THSD4: variants seen among roughly 807,000 people sequenced by gnomAD.
THSD4 encodes the protein thrombospondin type 1 domain containing 4.
THSD4 carries 69 observed loss-of-function variants against 119.0 expected under a neutral mutation model. That is an observed-to-expected ratio of 0.58 (90% CI 0.48 to 0.71). The LOEUF (loss-of-function observed/expected upper bound fraction) is 0.71. Ranked by LOEUF, THSD4 falls within the 30% of genes least tolerant of loss-of-function variation. The pLI is 0.00. For synonymous variants in THSD4, 524 were observed against 540.4 expected, an observed-to-expected ratio of 0.97 and a Z score of 0.42; for missense variants, 1,393 against 1,391.1, an observed-to-expected ratio of 1.00 and a Z score of -0.02.
intron 7 of THSD4, among the ~76,000 whole-genome samples, chr15:71,566,794 G>C (rs1290298279): frequency 6.7e-6 from 1 of 149,646 alleles, no homozygotes; most frequent in African/African-American, 2.5e-5. Context: ...ATCACCTTGA[G>C]AGATCTCCAG....
intron 2 of THSD4, among the ~76,000 whole-genome samples, chr15:71,142,648 G>A (rs992476762): frequency 7.2e-5 from 11 of 152,114 alleles, no homozygotes; most frequent in African/African-American, 2.7e-4. Flanking sequence ...TTTTAGCTGT[G>A]TAGCATTAAG....
At chr15:71,199,636 GGTGT>G (rs2043760884) in intron 3 of THSD4, among the ~76,000 whole-genome samples, 1 of 140,340 alleles carries the variant, frequency 7.1e-6, no homozygotes, top group Non-Finnish European at 1.5e-5. Context: ...TGGTGTGTGT[GGTGT>G]GTGTGTGGTG....
intron 7 of THSD4, among the ~76,000 whole-genome samples, chr15:71,601,825 C>A: frequency 6.6e-6 from 1 of 152,300 alleles, no homozygotes; most frequent in Non-Finnish European, 1.5e-5. Flanking sequence ...CAGCTGTGTG[C>A]GTGAGCAGCT....
At chr15:71,630,984 T>C (rs947351358) in intron 7 of THSD4, among the ~76,000 whole-genome samples, 6 of 152,168 alleles carry the variant, frequency 3.9e-5, no homozygotes, top group Non-Finnish European at 8.8e-5. Context: ...GATGCCATCA[T>C]GCTCTCCTCC....
chr15:71,710,264 G>A (rs1054988942), intron 8 of THSD4, among the ~76,000 whole-genome samples: 1 of 152,166 alleles, frequency 6.6e-6, no homozygotes, highest in Non-Finnish European at 1.5e-5. Flanking sequence ...AGGACACTTT[G>A]TAGAAATCTG....
chr15:71,388,759 T>C (rs2046328238), intron 6 of THSD4, among the ~76,000 whole-genome samples: 1 of 151,846 alleles, frequency 6.6e-6, no homozygotes, highest in African/African-American at 2.4e-5. Context: ...TTAAAAAAAT[T>C]GTGATAATAT....
At position 71,243,095 on chromosome 15, in the gene THSD4, A is replaced by G. The variant is rs764035722; in HGVS notation, c.911A>G (p.Asn304Ser). 91 of 1,609,390 alleles carry G rather than the reference A, an allele frequency of 5.7e-5. No individual in the cohort carries two copies. Among genetic ancestry groups the G allele is most frequent in the Non-Finnish European group, 7.2e-5 (85 of 1,177,478 alleles). The change falls in exon 5 of 18, where the codon AAC (asparagine) becomes AGC (serine). Residue 304 changes from asparagine (N) to serine (S), a missense_variant and splice_region_variant. Transcript: ENST00000261862. The part of the protein sequence containing the change: ...AYRQYKLCNT[N>S]VCPESSRSIR... ...CGGCAGTACAAGCTGTGCAACACCA[A>G]CGTGAGTACACACAACCCATACCGG...
chr15:71,239,571 A>C (rs1049377164), intron 4 of THSD4, among the ~76,000 whole-genome samples: 2 of 152,214 alleles, frequency 1.3e-5, no homozygotes, highest in African/African-American at 2.4e-5. Context: ...TCAAGACATA[A>C]CTTTCAGAAA....
At chr15:71,624,310 C>A (rs1174190680) in intron 7 of THSD4, among the ~76,000 whole-genome samples, 1 of 152,188 alleles carries the variant, frequency 6.6e-6, no homozygotes, top group Non-Finnish European at 1.5e-5. Flanking sequence ...CAGCCTCAGT[C>A]CTGAAAGGAA....
intron 6 of THSD4, among the ~76,000 whole-genome samples, chr15:71,355,929 A>G (rs1260025164): frequency 6.6e-6 from 1 of 152,006 alleles, no homozygotes; most frequent in Non-Finnish European, 1.5e-5. Context: ...GGGCAGTGGC[A>G]CAATCTTGGC....
At chr15:71,588,215 A>G (rs2049722466) in intron 7 of THSD4, among the ~76,000 whole-genome samples, 1 of 150,134 alleles carries the variant, frequency 6.7e-6, no homozygotes, top group Non-Finnish European at 1.5e-5. Flanking sequence ...CTGAGGCAGG[A>G]GAATGGCGTG....
intron 3 of THSD4, among the ~76,000 whole-genome samples, chr15:71,194,855 G>A (rs1275905605): frequency 1.3e-5 from 2 of 152,150 alleles, no homozygotes; most frequent in Non-Finnish European, 2.9e-5. Flanking sequence ...ACTACACATA[G>A]TTATACCTTG....
chr15:71,449,750 A>C (rs977436418), intron 7 of THSD4, among the ~76,000 whole-genome samples: 8 of 152,176 alleles, frequency 5.3e-5, no homozygotes, highest in Admixed American at 3.9e-4. Flanking sequence ...TTCAAGTGAA[A>C]ATAGCGTTTG....
chr15:71,528,814 G>A (rs572957498), intron 7 of THSD4, among the ~76,000 whole-genome samples: 1 of 152,290 alleles, frequency 6.6e-6, no homozygotes, highest in South Asian at 2.1e-4. Context: ...ATCTGTGGCA[G>A]GTGTTTAGGT....
At chr15:71,547,514 T>G in intron 7 of THSD4, 2 of 1,548,106 alleles carry the variant, frequency 1.3e-6, no homozygotes, top group African/African-American at 2.7e-5. Context: ...TCAGAAGTTG[T>G]ATTTTTTTTC....
intron 7 of THSD4, among the ~76,000 whole-genome samples, chr15:71,581,743 A>G (rs1251202886): frequency 1.3e-5 from 2 of 152,166 alleles, no homozygotes; most frequent in Non-Finnish European, 2.9e-5. Context: ...GTGGACATCC[A>G]GTTTTCCCAG....
chr15:71,765,347 C>A, intron 16 of THSD4, 148 bp downstream of exon 16: 2 of 971,484 alleles, frequency 2.1e-6, no homozygotes, highest in Non-Finnish European at 2.9e-6. Context: ...CTGGAGTACC[C>A]CGTGACTCAG....
At chr15:71,681,506 A>G (rs1045134146) in intron 8 of THSD4, among the ~76,000 whole-genome samples, 1 of 151,580 alleles carries the variant, frequency 6.6e-6, no homozygotes, top group Non-Finnish European at 1.5e-5. Flanking sequence ...GGGAAATCCT[A>G]TCTCCACTAA....
chr15:71,773,200 C>CAAAAAAAAAAAAAAAAAAAA (rs5813665), intron 17 of THSD4, among the ~76,000 whole-genome samples: 3 of 54,056 alleles, frequency 5.5e-5, no homozygotes, highest in Non-Finnish European at 7.6e-5. Flanking sequence ...GACCATGTCT[C>CAAAAAAAAAAAAAAAAAAAA]AAAAAAAAAA....
Sources: allele counts gnomAD v4.1 joint callset (sites outside exome capture counted in the v4.1 genomes callset), GRCh38; gene constraint gnomAD v4.1.1; transcripts MANE v1.5; gene names NCBI Gene and HGNC (gene_info 2026-07-23, HGNC 2026-07-21).